DIS3L: variants seen among roughly 807,000 people sequenced by gnomAD.
DIS3L encodes DIS3-like exonuclease 1.
In DIS3L, 100 loss-of-function variants were observed where a neutral mutation model predicts 120.3. The observed-to-expected ratio is 0.83, with a 90% CI of 0.71 to 0.98. DIS3L has a LOEUF of 0.98. Among genes scored for constraint, DIS3L ranks in the 50% least tolerant of loss-of-function variants. The probability of loss-of-function intolerance (pLI) is 0.00; values close to 1 mark genes in which losing one functional copy is unlikely to be tolerated. For synonymous variants in DIS3L, 426 were observed against 470.6 expected (o/e 0.91, Z 1.23); for missense variants, 1,196 against 1,314.2 (o/e 0.91, Z 1.39).
At chr15:66,306,661 G>C (rs140857782) in intron 2 of DIS3L, 163 bp from the exon 3 acceptor site, 241 of 952,634 alleles carry the variant, frequency 2.5e-4, no homozygotes, top group Non-Finnish European at 3.3e-4. Flanking sequence ...ATAGCAGCCC[G>C]ATAGGACTGA....
chr15:66,295,188 A>C (rs1307294975), intron 2 of DIS3L, 47 bp downstream of exon 2: 1 of 1,555,836 alleles, frequency 6.4e-7, no homozygotes, highest in Non-Finnish European at 8.7e-7. Context: ...GGTTCCCCCC[A>C]CCTTAGAAAA....
At chr15:66,316,976 T>C (rs995024246) in intron 7 of DIS3L, among the ~76,000 whole-genome samples, 3 of 152,200 alleles carry the variant, frequency 2.0e-5, no homozygotes, top group African/African-American at 7.2e-5. Flanking sequence ...CATTTTCCTC[T>C]TCATGCTTTG....
At chr15:66,298,492 C>A (rs1209868637) in intron 2 of DIS3L, among the ~76,000 whole-genome samples, 1 of 152,164 alleles carries the variant, frequency 6.6e-6, no homozygotes, top group Non-Finnish European at 1.5e-5. Flanking sequence ...CATTATTCAA[C>A]GTGACAGATA....
chr15:66,300,791 G>A (rs1217333873), intron 2 of DIS3L, among the ~76,000 whole-genome samples: 1 of 152,348 alleles, frequency 6.6e-6, no homozygotes, highest in Non-Finnish European at 1.5e-5. Flanking sequence ...AGAGTTTGAA[G>A]TGTCTCTGGG....
intron 2 of DIS3L, among the ~76,000 whole-genome samples, chr15:66,297,439 A>G (rs1014184662): frequency 6.6e-6 from 1 of 152,220 alleles, no homozygotes; most frequent in African/African-American, 2.4e-5. Context: ...TAAAAAACTT[A>G]TTTTTAAAAA....
Position 66,295,124 on chromosome 15 carries a change from G to A in DIS3L, c.276G>A (p.Gln92=). The part of the protein sequence containing the change: ...IFMQTACQAV[Q]HQRGRRQYNK... ...TGCAGACAGCTTGTCAAGCTGTGCAGCATCAAAGAGGCAGGAGGTATACGT... is the reference window on the plus strand; with the variant it reads ...TGCAGACAGCTTGTCAAGCTGTGCAACATCAAAGAGGCAGGAGGTATACGT... Residue 92 remains glutamine, a synonymous_variant, in exon 2 of 17, where the codon CAG becomes CAA. Transcript: ENST00000319212. 2 of 1,613,924 alleles carry A rather than the reference G, an allele frequency of 1.2e-6. No individual in the cohort carries two copies. The highest frequency in any genetic ancestry group is 1.7e-6 in the Non-Finnish European group (2 of 1,179,972).
rs147759674 is a variant in DIS3L at position 66,326,765 on chromosome 15, A to G, written c.2201+401A>G. On this transcript the variant is annotated intron_variant, in intron 12 of 16. Transcript: ENST00000319212. ...TGGCTAATTTTTTTGTATTTTTAGT[A>G]GAGACAGGGTTTCGCCATGTTGGCT... Among the ~76,000 whole-genome samples the G allele has an allele frequency of 1.4e-3, 206 of 151,970 alleles. 4 individuals carry two copies. The East Asian group carries it at 0.03, about 22-fold the overall frequency.
At chr15:66,296,169 T>G (rs2092584175) in intron 2 of DIS3L, among the ~76,000 whole-genome samples, 1 of 152,258 alleles carries the variant, frequency 6.6e-6, no homozygotes, top group African/African-American at 2.4e-5. Context: ...TAAAATCAAT[T>G]TGTTGTTATC....
At chr15:66,311,694 C>CCTCTGTGCCTTCTGACT in intron 4 of DIS3L, 30 bp from the exon 5 acceptor site, 1 of 1,611,394 alleles carries the variant, frequency 6.2e-7, no homozygotes. Context: ...ACCTTCTGAC[C>CCTCTGTGCCTTCTGACT]GTGTTTCTCT....
At chr15:66,327,890 C>G (rs2092955497) in intron 12 of DIS3L, among the ~76,000 whole-genome samples, 1 of 152,142 alleles carries the variant, frequency 6.6e-6, no homozygotes, top group African/African-American at 2.4e-5. Flanking sequence ...ATGAAACTCT[C>G]TCTGCTAAAA....
In DIS3L at chr15:66,295,153, G is replaced by T. The variant is rs2092572664; in HGVS notation, c.293+12G>T. ...CAAAGAGGCAGGAGGTATACGTTTT[G>T]CATTCTTTATTTCTATATGGCATAG... On this transcript the variant is annotated intron_variant, in intron 2 of 16. Coordinates refer to ENST00000319212, the MANE Select transcript of DIS3L (RefSeq NM_001143688.3). 1 of 1,611,142 alleles carries T rather than the reference G, an allele frequency of 6.2e-7. No homozygotes were observed. Among genetic ancestry groups the T allele is most frequent in the Non-Finnish European group, 8.5e-7 (1 of 1,178,620 alleles).
intron 15 of DIS3L, among the ~76,000 whole-genome samples, chr15:66,332,486 G>T (rs963695315): frequency 1.3e-4 from 3 of 23,934 alleles, no homozygotes; most frequent in African/African-American, 3.8e-4. Flanking sequence ...GAAGACTGGA[G>T]TGTGTGTGTG....
chr15:66,332,136 A>G, intron 15 of DIS3L, 116 bp downstream of exon 15: 4 of 1,052,752 alleles, frequency 3.8e-6, no homozygotes, highest in Non-Finnish European at 3.9e-6. Context: ...TCATATGTAC[A>G]TAATGTAATG....
intron 2 of DIS3L, among the ~76,000 whole-genome samples, chr15:66,297,138 C>T (rs1437953514): frequency 6.6e-6 from 1 of 152,184 alleles, no homozygotes; most frequent in Non-Finnish European, 1.5e-5. Flanking sequence ...AGCTAAATGA[C>T]CCAAATTGTC....
At chr15:66,293,408 A>T, upstream of DIS3L, 1 of 1,117,520 alleles carries the variant, frequency 8.9e-7, no homozygotes, top group Non-Finnish European at 1.1e-6. Context: ...CAGGCCACTG[A>T]GGGAAGGGAA....
Position 66,309,094 on chromosome 15 carries a change from A to AAAAAAAAAATATATATATATATATATAT in DIS3L, c.558+251_558+252insAAAAAAAATATATATATATATATATATA. ...CTTGTCTCTACAGAAAAAAAAAAAAAATATATATATCTCCAAGCATGGTGG... is the reference window on the plus strand; with the variant it reads ...CTTGTCTCTACAGAAAAAAAAAAAAAAAAAAAAAATATATATATATATATATATATATATATATCTCCAAGCATGGTGG... On this transcript the variant is annotated intron_variant, in intron 4 of 16. Transcript: ENST00000319212. Among the ~76,000 whole-genome samples the AAAAAAAAAATATATATATATATATATAT allele has an allele frequency of 1.2e-3, 19 of 15,312 alleles. 4 individuals carry two copies. Among genetic ancestry groups the AAAAAAAAAATATATATATATATATATAT allele is most frequent in the Non-Finnish European group, 1.7e-3 (14 of 8,308 alleles). The allele number at this position is 15,312 out of a possible 152,430, so 10.0% of individuals were successfully genotyped here. A position where few individuals can be genotyped will look rare whatever the true frequency, so the allele number is the denominator to read the frequency against.
intron 6 of DIS3L, 22 bp from the exon 7 acceptor site, chr15:66,315,014 T>C: frequency 1.9e-6 from 3 of 1,609,874 alleles, no homozygotes; most frequent in Non-Finnish European, 2.5e-6. Context: ...TATGGGTTTT[T>C]TCTGTGCTGC....
intron 7 of DIS3L, among the ~76,000 whole-genome samples, chr15:66,315,500 A>G (rs540784804): frequency 1.3e-5 from 2 of 152,204 alleles, no homozygotes; most frequent in East Asian, 3.9e-4. Context: ...TCTCTTAGCA[A>G]TTTTCAAGAA....
intron 1 of DIS3L, chr15:66,294,366 C>T: frequency 1.0e-6 from 1 of 985,520 alleles, no homozygotes; most frequent in Non-Finnish European, 1.2e-6. Context: ...ACGTTACTGG[C>T]TCTCTTCCCC....
Sources: allele counts gnomAD v4.1 joint callset (sites outside exome capture counted in the v4.1 genomes callset), GRCh38; gene constraint gnomAD v4.1.1; transcripts MANE v1.5; gene names NCBI Gene and HGNC (gene_info 2026-07-23, HGNC 2026-07-21).